Variants in PDE4D observed in about 807,000 individuals in gnomAD.
PDE4D encodes the protein phosphodiesterase 4D, also known as 3',5'-cyclic-AMP phosphodiesterase 4D.
A neutral mutation model predicts 87.4 loss-of-function variants in PDE4D; 24 were observed. The ratio of observed to expected loss-of-function variants is 0.27; its 90% CI spans 0.20 to 0.39. The LOEUF is 0.39. PDE4D is among the 10% of genes least tolerant of loss of function. PDE4D has a pLI of 1.00. For missense variants in PDE4D, 714 were observed against 1,041.0 expected (o/e 0.69, Z 4.32); for synonymous variants, 384 against 383.2 (o/e 1.00, Z -0.02).
intron 3 of PDE4D, among the ~76,000 whole-genome samples, chr5:59,930,181 A>C (rs2152787152): frequency 6.6e-6 from 1 of 151,832 alleles, no homozygotes; most frequent in Admixed American, 6.5e-5. Flanking sequence ...AAAAAAAAAA[A>C]AAAAACCGGC....
At chr5:59,174,120 T>C (rs957180902) in intron 5 of PDE4D, among the ~76,000 whole-genome samples, 1 of 152,228 alleles carries the variant, frequency 6.6e-6, no homozygotes, top group African/African-American at 2.4e-5. Context: ...AATATCATTA[T>C]TGTTTTTCCC....
At chr5:59,276,141 A>G (rs1274162089) in intron 1 of PDE4D, 5 of 982,448 alleles carry the variant, frequency 5.1e-6, no homozygotes, top group Non-Finnish European at 3.6e-6. Flanking sequence ...AAAAAAAAAA[A>G]AAGAAAAGCC....
chr5:59,206,958 G>A (rs1219116524), intron 2 of PDE4D, among the ~76,000 whole-genome samples: 1 of 152,108 alleles, frequency 6.6e-6, no homozygotes, highest in African/African-American at 2.4e-5. Flanking sequence ...CAAAGCAGGA[G>A]TATTGCTTGA....
intron 3 of PDE4D, among the ~76,000 whole-genome samples, chr5:59,904,260 T>A (rs1752587155): frequency 6.6e-6 from 1 of 152,182 alleles, no homozygotes; most frequent in African/African-American, 2.4e-5. Context: ...TCTTTTTGTT[T>A]CTTTCTTTCT....
intron 6 of PDE4D, among the ~76,000 whole-genome samples, chr5:59,005,852 T>C (rs908140573): frequency 3.3e-5 from 5 of 152,240 alleles, no homozygotes; most frequent in African/African-American, 1.2e-4. Context: ...GCTCATCATA[T>C]AATTAGGCTG....
chr5:59,626,118 A>C (rs1188215019), intron 1 of PDE4D, among the ~76,000 whole-genome samples: 1 of 152,122 alleles, frequency 6.6e-6, no homozygotes, highest in Non-Finnish European at 1.5e-5. Context: ...AATAAAAAAA[A>C]CCAATGCCTG....
intron 1 of PDE4D, among the ~76,000 whole-genome samples, chr5:59,746,782 C>T (rs764936985): frequency 6.6e-6 from 1 of 152,154 alleles, no homozygotes; most frequent in African/African-American, 2.4e-5. Context: ...GGATTTACTT[C>T]AGCCCTCTGA....
intron 1 of PDE4D, chr5:59,529,225 T>C (rs553516808): frequency 7.2e-5 from 35 of 486,074 alleles, no homozygotes; most frequent in South Asian, 5.1e-4. Context: ...GGAAGGAAAA[T>C]TGGATGGAAC....
chr5:59,829,352 A>G lies in PDE4D; in HGVS notation c.455+63816T>C, dbSNP rs997399173. Among the ~76,000 whole-genome samples the G allele has an allele frequency of 3.9e-5, 6 of 152,088 alleles. No individual in the cohort carries two copies. In the South Asian group the frequency reaches 6.2e-4, roughly 16 times the overall value. ...AAAAAATAGCTTAGGGAAGAAATCC[A>G]TTTGTATATATACCCAATTATGTAA... On this transcript the variant is annotated intron_variant, in intron 1 of 14. Coordinates refer to ENST00000340635, the MANE Select transcript of PDE4D (RefSeq NM_001104631.2).
intron 1 of PDE4D, among the ~76,000 whole-genome samples, chr5:59,458,776 T>A (rs543201273): frequency 1.3e-5 from 2 of 152,294 alleles, no homozygotes; most frequent in African/African-American, 4.8e-5. Flanking sequence ...CTGACATAGT[T>A]CTGTCAGTGT....
At chr5:59,862,785 C>G (rs1335533844) in intron 1 of PDE4D, among the ~76,000 whole-genome samples, 1 of 152,094 alleles carries the variant, frequency 6.6e-6, no homozygotes, top group African/African-American at 2.4e-5. Context: ...ATTTCCTTAT[C>G]TGTAATATAA....
chr5:60,139,871 T>C (rs888764270), intron 2 of PDE4D, among the ~76,000 whole-genome samples: 1 of 152,064 alleles, frequency 6.6e-6, no homozygotes, highest in African/African-American at 2.4e-5. Flanking sequence ...CATGAATGCA[T>C]GAAGTAGAAT....
chr5:59,226,968 A>T (rs1406549926), intron 1 of PDE4D, among the ~76,000 whole-genome samples: 1 of 152,178 alleles, frequency 6.6e-6, no homozygotes, highest in African/African-American at 2.4e-5. Flanking sequence ...ACATCCTATT[A>T]TCATGTGCTG....
intron 1 of PDE4D, among the ~76,000 whole-genome samples, chr5:59,668,833 G>GAAGAAGAAGAA (rs1561441084): frequency 3.7e-5 from 2 of 54,066 alleles, no homozygotes; most frequent in African/African-American, 1.6e-4. Context: ...AAGAAGAAGA[G>GAAGAAGAAGAA]GAAGAGGAAG....
intron 2 of PDE4D, among the ~76,000 whole-genome samples, chr5:60,112,396 C>T (rs1382736901): frequency 4.6e-5 from 7 of 151,922 alleles, no homozygotes; most frequent in South Asian, 2.1e-4. Context: ...TGTGTGGGGT[C>T]GTATGGGGTT....
At chr5:60,181,848 G>A (rs566433713) in intron 2 of PDE4D, among the ~76,000 whole-genome samples, 1 of 152,056 alleles carries the variant, frequency 6.6e-6, no homozygotes, top group East Asian at 1.9e-4. Flanking sequence ...AGAATAACAG[G>A]GATATTATAA....
chr5:59,276,122 G>GAAAAAAAAAAAAAA (rs56153175), intron 1 of PDE4D: 2 of 787,086 alleles, frequency 2.5e-6, no homozygotes, highest in African/African-American at 2.3e-5. Flanking sequence ...AGTGAGAAAG[G>GAAAAAAAAAAAAAA]AAAAAAAAAA....
chr5:59,601,170 C>T (rs1473597065), intron 1 of PDE4D, among the ~76,000 whole-genome samples: 2 of 152,046 alleles, frequency 1.3e-5, no homozygotes, highest in African/African-American at 4.8e-5. Flanking sequence ...CTAACACATT[C>T]GTAAGAACAG....
intron 2 of PDE4D, among the ~76,000 whole-genome samples, chr5:60,152,159 G>GT (rs1382488783): frequency 2.0e-5 from 3 of 152,092 alleles, no homozygotes; most frequent in Admixed American, 2.0e-4. Context: ...CAGTTTTCTA[G>GT]TGTTTTGTTG....
Sources: allele counts gnomAD v4.1 joint callset (sites outside exome capture counted in the v4.1 genomes callset), GRCh38; gene constraint gnomAD v4.1.1; transcripts MANE v1.5; gene names NCBI Gene and HGNC (gene_info 2026-07-23, HGNC 2026-07-21).